The following BAZ1B variants were observed in gnomAD, a reference collection of about 807,000 sequenced individuals.
BAZ1B encodes the protein tyrosine-protein kinase BAZ1B.
A neutral mutation model predicts 153.8 loss-of-function variants in BAZ1B; 22 were observed. The observed-to-expected ratio is 0.14, with a 90% CI of 0.10 to 0.20. The LOEUF (loss-of-function observed/expected upper bound fraction) is 0.20, where lower values mean the gene tolerates loss of function less well. Ranked by LOEUF, BAZ1B falls within the 10% of genes least tolerant of loss-of-function variation. BAZ1B has a pLI of 1.00. For synonymous variants in BAZ1B, 676 were observed against 633.4 expected, an observed-to-expected ratio of 1.07 and a Z score of -1.01; for missense variants, 1,325 against 1,799.3, an observed-to-expected ratio of 0.74 and a Z score of 4.77.
intron 9 of BAZ1B, among the ~76,000 whole-genome samples, chr7:73,468,380 C>A (rs542864478): frequency 1.3e-5 from 2 of 149,626 alleles, no homozygotes; most frequent in Admixed American, 1.3e-4. Context: ...GCTCCCAGTA[C>A]AAAAAACTAT....
At chr7:73,447,689 T>A (rs1787888703) in intron 15 of BAZ1B, among the ~76,000 whole-genome samples, 1 of 152,154 alleles carries the variant, frequency 6.6e-6, no homozygotes, top group Non-Finnish European at 1.5e-5. Flanking sequence ...TACAAAACAC[T>A]GTTTCTTTTG....
intron 17 of BAZ1B, 123 bp downstream of exon 17, chr7:73,443,852 CAGCCTCCCA>C (rs1554565659): frequency 5.0e-6 from 7 of 1,396,926 alleles, no homozygotes; most frequent in Non-Finnish European, 6.9e-6. Context: ...TCTGCCTCCC[CAGCCTCCCA>C]AGTTTGGTAA....
intron 11 of BAZ1B, among the ~76,000 whole-genome samples, chr7:73,463,739 GCT>G (rs1476211568): frequency 3.3e-5 from 5 of 151,268 alleles, no homozygotes; most frequent in African/African-American, 1.2e-4. Flanking sequence ...ATGGAATGTC[GCT>G]CTGTTGCCCA....
At chr7:73,464,340 T>C (rs1554570859) in intron 11 of BAZ1B, 1 of 163,304 alleles carries the variant, frequency 6.1e-6, no homozygotes, top group East Asian at 1.9e-4. Flanking sequence ...CAGAACAGGG[T>C]TTTTTGATTC....
chr7:73,518,415 AAAAT>A (rs538907384), intron 1 of BAZ1B, among the ~76,000 whole-genome samples: 1,887 of 151,818 alleles, frequency 0.012, 41 homozygotes, highest in African/African-American at 0.043. Flanking sequence ...TCCGTCTCAA[AAAAT>A]AAATAAATAA....
intron 2 of BAZ1B, among the ~76,000 whole-genome samples, chr7:73,509,627 A>C (rs1790493548): frequency 6.6e-6 from 1 of 151,790 alleles, no homozygotes; most frequent in African/African-American, 2.4e-5. Context: ...AGGCTGAGGC[A>C]AGAGGCTGGC....
chr7:73,521,111 GTTTAAT>G (rs1457977851), intron 1 of BAZ1B, among the ~76,000 whole-genome samples: 1 of 151,194 alleles, frequency 6.6e-6, no homozygotes, highest in Non-Finnish European at 1.5e-5. Flanking sequence ...TTTTTTGTTT[GTTTAAT>G]TTTAACAAAT....
chr7:73,449,537 C>A lies in BAZ1B; in HGVS notation c.3728+5G>T, dbSNP rs782039360. 11 of 1,601,952 alleles carry A rather than the reference C, an allele frequency of 6.9e-6. No homozygotes were observed. Among genetic ancestry groups the A allele is most frequent in the Admixed American group, 5.4e-5 (3 of 55,910 alleles). Reference sequence around the variant, plus strand: ...TCAATTATTTTTAAAAGAAAAGATTCTCACCTGCCACGGGAGTTGCGCCTG... The same window carrying A: ...TCAATTATTTTTAAAAGAAAAGATTATCACCTGCCACGGGAGTTGCGCCTG... On this transcript the variant is annotated splice_donor_5th_base_variant and intron_variant, in intron 15 of 19. Transcript: ENST00000339594.
chr7:73,495,002 G>T (rs1169228984), intron 4 of BAZ1B, among the ~76,000 whole-genome samples: 4 of 152,174 alleles, frequency 2.6e-5, no homozygotes, highest in African/African-American at 9.7e-5. Flanking sequence ...ATAAAGGAGG[G>T]GCCAGGCGTG....
chr7:73,501,887 A>G (rs1413735354), intron 3 of BAZ1B, among the ~76,000 whole-genome samples: 1 of 133,120 alleles, frequency 7.5e-6, no homozygotes, highest in Non-Finnish European at 1.6e-5. Context: ...CTTATCAAGA[A>G]TTTTTTTTTT....
chr7:73,472,463 G>A (rs1788841958), intron 7 of BAZ1B, among the ~76,000 whole-genome samples: 2 of 151,976 alleles, frequency 1.3e-5, no homozygotes, highest in Non-Finnish European at 2.9e-5. Context: ...TCTTCATGTT[G>A]GTCAGGCTGG....
At position 73,447,276 on chromosome 7, in the gene BAZ1B, C is replaced by T. The variant is rs782106488; in HGVS notation, c.3832G>A (p.Ala1278Thr). 6.2e-7 allele frequency: 1 copy of T among 1,613,872 alleles called. No individual in the cohort carries two copies. Among genetic ancestry groups the T allele is most frequent in the Admixed American group, 1.7e-5 (1 of 60,012 alleles). ...EEEEEEDYEV[A>T]GLRLRPRKTI... ...ACAAAATACTTACATCGCAAACCAG[C>T]CACCTCATAATCTTCTTCCTCCTCC... Residue 1278 changes from alanine to threonine, a missense_variant, in exon 16 of 20, where the codon GCT (alanine) becomes ACT (threonine). Transcript: ENST00000339594.
chr7:73,442,647 AGCCCCTCAGGGGCT>A, intron 18 of BAZ1B, 64 bp downstream of exon 18: 1 of 1,555,514 alleles, frequency 6.4e-7, no homozygotes, highest in African/African-American at 1.4e-5. Flanking sequence ...CTTGGCTGAG[AGCCCCTCAGGGGCT>A]CTGGAAGCTT....
chr7:73,457,316 T>C (rs1788243284), intron 13 of BAZ1B, among the ~76,000 whole-genome samples: 1 of 152,114 alleles, frequency 6.6e-6, no homozygotes, highest in South Asian at 2.1e-4. Flanking sequence ...TAGCTGAGAA[T>C]ACAGGTGTGC....
At chr7:73,448,070 T>C (rs1554567033) in intron 15 of BAZ1B, among the ~76,000 whole-genome samples, 2 of 152,172 alleles carry the variant, frequency 1.3e-5, no homozygotes, top group African/African-American at 2.4e-5. Context: ...TTTGGGAGGC[T>C]GAGGCAGGCG....
At chr7:73,503,534 C>T (rs1206711617) in intron 3 of BAZ1B, among the ~76,000 whole-genome samples, 2 of 151,562 alleles carry the variant, frequency 1.3e-5, no homozygotes, top group Non-Finnish European at 2.9e-5. Flanking sequence ...CCACCATGCA[C>T]GGCCAATTTT....
At chr7:73,448,995 A>C (rs1266014508) in intron 15 of BAZ1B, among the ~76,000 whole-genome samples, 1 of 152,230 alleles carries the variant, frequency 6.6e-6, no homozygotes, top group Non-Finnish European at 1.5e-5. Flanking sequence ...CAGGTGACAG[A>C]TGTAGAAGGG....
At chr7:73,476,780 AAC>A (rs1789015893) in intron 7 of BAZ1B, 86 bp downstream of exon 7, 1 of 1,515,588 alleles carries the variant, frequency 6.6e-7, no homozygotes. Context: ...TAAGTAAACA[AAC>A]AGAGACCCTA....
At chr7:73,499,521 G>A (rs143040752) in intron 3 of BAZ1B, among the ~76,000 whole-genome samples, 488 of 152,274 alleles carry the variant, frequency 3.2e-3, no homozygotes, top group Middle Eastern at 0.014. Flanking sequence ...GGGCAATATA[G>A]GGAGACCCCA....
Sources: gnomAD v4.1 joint callset for allele counts (sites outside exome capture counted in the v4.1 genomes callset) on GRCh38, gnomAD v4.1.1 for gene constraint, MANE v1.5 for transcripts, NCBI Gene and HGNC (gene_info 2026-07-23, HGNC 2026-07-21) for gene names.